MAST4: variants seen among roughly 807,000 people sequenced by gnomAD.
The protein encoded by MAST4 is microtubule associated serine/threonine kinase family member 4.
A neutral mutation model predicts 162.7 loss-of-function variants in MAST4; 89 were observed. That is an observed-to-expected ratio of 0.55 (90% CI 0.46 to 0.65). The LOEUF (loss-of-function observed/expected upper bound fraction) is 0.65, where lower values mean the gene tolerates loss of function less well. MAST4 is among the 30% of genes least tolerant of loss of function. The probability of loss-of-function intolerance (pLI) is 0.00; values close to 1 mark genes in which losing one functional copy is unlikely to be tolerated. For missense variants in MAST4, 3,153 were observed against 3,374.0 expected (o/e 0.93, Z 1.62); for synonymous variants, 1,479 against 1,361.1 (o/e 1.09, Z -1.91).
intron 1 of MAST4, among the ~76,000 whole-genome samples, chr5:66,653,099 A>G (rs1746331940): frequency 6.6e-6 from 1 of 152,202 alleles, no homozygotes; most frequent in Admixed American, 6.5e-5. Flanking sequence ...AATCTCATTT[A>G]GCTAGTCTTA....
chr5:66,733,422 G>A (rs1751977718), intron 1 of MAST4, among the ~76,000 whole-genome samples: 1 of 152,000 alleles, frequency 6.6e-6, no homozygotes, highest in Admixed American at 6.6e-5. Context: ...TCATCTTATA[G>A]ATATCTTTCA....
chr5:66,776,031 G>A (rs1349782723), intron 2 of MAST4, among the ~76,000 whole-genome samples: 3 of 152,190 alleles, frequency 2.0e-5, no homozygotes, highest in Non-Finnish European at 4.4e-5. Flanking sequence ...AAATAGATGT[G>A]ATTACATGAT....
chr5:67,104,231 T>G (rs1765349069), intron 9 of MAST4, 135 bp from the exon 10 acceptor site: 1 of 681,586 alleles, frequency 1.5e-6, no homozygotes, highest in Admixed American at 2.5e-5. Context: ...TGAGGCTTCT[T>G]TTAAATTTGA....
chr5:66,705,706 GTTTTC>G (rs1430903542), intron 1 of MAST4, among the ~76,000 whole-genome samples: 1 of 152,124 alleles, frequency 6.6e-6, no homozygotes, highest in Non-Finnish European at 1.5e-5. Flanking sequence ...CAGAAGATAT[GTTTTC>G]TTGATTCCCT....
chr5:66,694,117 G>A (rs1036044877), intron 1 of MAST4, among the ~76,000 whole-genome samples: 19 of 152,156 alleles, frequency 1.2e-4, no homozygotes, highest in Admixed American at 5.2e-4. Flanking sequence ...CATCAGAATC[G>A]TCAGGGAGCG....
chr5:66,644,175 G>A (rs1745671799), intron 1 of MAST4, among the ~76,000 whole-genome samples: 1 of 151,578 alleles, frequency 6.6e-6, no homozygotes. Context: ...GATCCTACTA[G>A]ATGTATGTAT....
chr5:66,885,716 C>CT (rs752633628), intron 3 of MAST4, among the ~76,000 whole-genome samples: 33 of 152,228 alleles, frequency 2.2e-4, no homozygotes, highest in Admixed American at 7.2e-4. Context: ...AATAGATTCT[C>CT]TAAGTTTTCA....
chr5:67,024,832 G>GT (rs11401659), intron 4 of MAST4, among the ~76,000 whole-genome samples: 41,100 of 147,604 alleles, frequency 0.28, 6,146 homozygotes, highest in African/African-American at 0.39. Context: ...GGGATCCCAT[G>GT]TTTTTTTTTT....
chr5:66,676,756 A>G (rs961111218), intron 1 of MAST4, among the ~76,000 whole-genome samples: 1 of 152,218 alleles, frequency 6.6e-6, no homozygotes, highest in African/African-American at 2.4e-5. Context: ...TATTTTAAAC[A>G]TATTTTCATC....
chr5:67,149,427 C>A lies in MAST4; in HGVS notation c.3133C>A (p.Arg1045=), dbSNP rs367575904. 10 of 1,613,260 alleles carry A rather than the reference C, an allele frequency of 6.2e-6. No individual in the cohort carries two copies. The highest frequency in any genetic ancestry group is 2.2e-5 in the East Asian group (1 of 44,890). Residue 1045 remains arginine (R), a synonymous_variant, in exon 24 of 29, where the codon CGA becomes AGA. Coordinates refer to ENST00000403625, the MANE Select transcript of MAST4 (RefSeq NM_001164664.2). Reference sequence around the variant, plus strand: ...AGAGCACTTGGATCAGATAAATGGACGAAGCGAGTGTGTGGACAGTACAGA... The same window carrying A: ...AGAGCACTTGGATCAGATAAATGGAAGAAGCGAGTGTGTGGACAGTACAGA... The part of the protein sequence containing the change: ...FSEHLDQING[R]SECVDSTDNS...
intron 1 of MAST4, chr5:66,623,027 C>T (rs1269768721): frequency 1.3e-5 from 2 of 152,190 alleles, no homozygotes; most frequent in East Asian, 3.9e-4. Context: ...CTATGGGTCC[C>T]TGAGAGTCCT....
chr5:66,693,202 CT>C (rs1471146329), intron 1 of MAST4, among the ~76,000 whole-genome samples: 2 of 152,180 alleles, frequency 1.3e-5, no homozygotes, highest in African/African-American at 4.8e-5. Context: ...GTTTGCCTTG[CT>C]TTCAACAAGT....
At chr5:67,145,405 T>C in intron 23 of MAST4, 26 bp downstream of exon 23, 2 of 1,594,288 alleles carry the variant, frequency 1.3e-6, no homozygotes, top group East Asian at 2.2e-5. Context: ...TAGTGCCTGC[T>C]GTCCTCCTCA....
chr5:66,917,342 G>A (rs1361683933), intron 4 of MAST4: 4 of 264,966 alleles, frequency 1.5e-5, no homozygotes, highest in South Asian at 7.6e-5. Context: ...GTATTAATCC[G>A]TTGTGGTATG....
At chr5:66,788,826 T>C (rs1561331795) in intron 3 of MAST4, 32 bp downstream of exon 3, 1 of 1,521,236 alleles carries the variant, frequency 6.6e-7, no homozygotes, top group Non-Finnish European at 8.8e-7. Context: ...TGGAGGCTGC[T>C]CCAGCTCACC....
chr5:66,626,695 T>G (rs1744453744), intron 1 of MAST4, among the ~76,000 whole-genome samples: 1 of 152,196 alleles, frequency 6.6e-6, no homozygotes, highest in Non-Finnish European at 1.5e-5. Flanking sequence ...CTTTATCTCA[T>G]TAGAGAGTTA....
chr5:66,893,238 C>T (rs1251616023), intron 3 of MAST4, among the ~76,000 whole-genome samples: 1 of 152,118 alleles, frequency 6.6e-6, no homozygotes, highest in Non-Finnish European at 1.5e-5. Flanking sequence ...CAGAGTCTTG[C>T]TCTTTAGCCC....
chr5:66,979,237 C>T (rs750143972), intron 4 of MAST4, among the ~76,000 whole-genome samples: 1 of 152,052 alleles, frequency 6.6e-6, no homozygotes, highest in Non-Finnish European at 1.5e-5. Context: ...GGAGAATGTT[C>T]GGAACTTCAT....
chr5:66,986,131 G>A (rs1749464311), intron 4 of MAST4, among the ~76,000 whole-genome samples: 1 of 152,192 alleles, frequency 6.6e-6, no homozygotes, highest in South Asian at 2.1e-4. Context: ...ATTTCACCAG[G>A]ATGTAGAAGT....
Sources: gnomAD v4.1 joint callset for allele counts (sites outside exome capture counted in the v4.1 genomes callset) on GRCh38, gnomAD v4.1.1 for gene constraint, MANE v1.5 for transcripts, NCBI Gene and HGNC (gene_info 2026-07-23, HGNC 2026-07-21) for gene names.